The following PCDHGC3 variants were observed in gnomAD, a reference collection of about 807,000 sequenced individuals.
The protein encoded by PCDHGC3 is protocadherin gamma-C3.
PCDHGC3 carries 26 observed loss-of-function variants against 59.2 expected under a neutral mutation model. The observed-to-expected ratio is 0.44, with a 90% confidence interval of 0.32 to 0.61. The LOEUF (loss-of-function observed/expected upper bound fraction) is 0.61, where lower values mean the gene tolerates loss of function less well. Ranked by LOEUF, PCDHGC3 falls within the 20% of genes least tolerant of loss-of-function variation. The pLI is 0.05. For synonymous variants in PCDHGC3, 487 were observed against 519.7 expected (o/e 0.94, Z 0.86); for missense variants, 1,080 against 1,221.8 (o/e 0.88, Z 1.73).
chr5:141,508,139 G>C (rs1243018384), intron 3 of PCDHGC3: 1 of 152,514 alleles, frequency 6.6e-6, no homozygotes, highest in African/African-American at 2.4e-5. Flanking sequence ...CAGGGAGCTG[G>C]GGGCTGAGTT....
chr5:141,506,228 A>T (rs538354130), intron 3 of PCDHGC3, among the ~76,000 whole-genome samples: 1 of 152,266 alleles, frequency 6.6e-6, no homozygotes, highest in East Asian at 1.9e-4. Context: ...AGGCAGGAGG[A>T]TCATGAGGTC....
At chr5:141,510,845 C>T (rs2099883036) in intron 3 of PCDHGC3, 102 bp from the exon 4 acceptor site, 3 of 1,593,960 alleles carry the variant, frequency 1.9e-6, no homozygotes, top group Non-Finnish European at 2.6e-6. Context: ...TGGTCAAGGC[C>T]CAGGGTGCTG....
chr5:141,476,665 C>T lies in PCDHGC3; in HGVS notation c.549C>T (p.Arg183=). The change falls in exon 1 of 4, where the codon CGC becomes CGT. Residue 183 remains arginine, a synonymous_variant. Coordinates refer to ENST00000308177, the MANE Select transcript of PCDHGC3 (RefSeq NM_002588.4). This position sits in a 1 kb window ranked among gnomAD's most constrained non-coding sequence, Gnocchi z 7.6. ...GCCGAAATGAATACTTTGCGCTTCG[C>T]GTGCAGACGCGGGAGGACAGCACCA... The part of the protein sequence containing the change: ...ELSRNEYFAL[R]VQTREDSTKY... 6.2e-7 allele frequency: 1 copy of T among 1,614,240 alleles called. No homozygotes were observed. Among genetic ancestry groups the T allele is most frequent in the East Asian group, 2.2e-5 (1 of 44,882 alleles).
In PCDHGC3 at chr5:141,493,356, C is replaced by G. The variant is rs1303319550; in HGVS notation, c.2431-1451C>G. On this transcript the variant is annotated intron_variant, in intron 1 of 3. Transcript: ENST00000308177. The surrounding 1 kb of genome is among the most constrained non-coding windows in gnomAD (Gnocchi z 4.3). ...ACTCCAGAATGTGTGCTTTTAATTT[C>G]TTGGCACTTGGAACTTTAAAAGCTT... Among the ~76,000 whole-genome samples the G allele has an allele frequency of 6.6e-6, 1 of 152,182 alleles. No individual in the cohort carries two copies. The highest frequency in any genetic ancestry group is 1.5e-5 in the Non-Finnish European group (1 of 68,032).
Position 141,478,445 on chromosome 5 carries a change from G to C in PCDHGC3, c.2329G>C (p.Gly777Arg), listed in dbSNP as rs773567457. ...RRSDPLLKKP[G>R]AASPLASRQN... ...CAGCGACCCGCTGCTGAAGAAACCT[G>C]GTGCAGCCAGTCCACTGGCCAGCCG... Residue 777 changes from glycine to arginine, a missense_variant, in exon 1 of 4, where the codon GGT (glycine) becomes CGT (arginine). Transcript: ENST00000308177. The C allele has an allele frequency of 6.2e-7, 1 of 1,613,570 alleles. No individual in the cohort carries two copies. Among genetic ancestry groups the C allele is most frequent in the Non-Finnish European group, 8.5e-7 (1 of 1,179,942 alleles).
intron 3 of PCDHGC3, among the ~76,000 whole-genome samples, chr5:141,509,568 C>T (rs535982453): frequency 3.3e-5 from 5 of 152,336 alleles, no homozygotes; most frequent in Admixed American, 2.0e-4. Flanking sequence ...GCAGCCTTCA[C>T]AGTGCGTACA....
At chr5:141,509,163 C>T (rs561329093) in intron 3 of PCDHGC3, among the ~76,000 whole-genome samples, 1 of 152,204 alleles carries the variant, frequency 6.6e-6, no homozygotes, top group East Asian at 1.9e-4. Context: ...CTCCCGTGTG[C>T]CCTCCTCCTC....
chr5:141,508,979 G>A (rs1317798009), intron 3 of PCDHGC3, among the ~76,000 whole-genome samples: 1 of 152,110 alleles, frequency 6.6e-6, no homozygotes, highest in Non-Finnish European at 1.5e-5. Context: ...GCTGGGGGTG[G>A]GGGCCAGCTG....
chr5:141,483,538 G>C (rs571240759), intron 1 of PCDHGC3, among the ~76,000 whole-genome samples: 1 of 152,230 alleles, frequency 6.6e-6, no homozygotes, highest in African/African-American at 2.4e-5. Flanking sequence ...AAGCTGGGTG[G>C]TTGACAGTGC....
intron 2 of PCDHGC3, among the ~76,000 whole-genome samples, chr5:141,495,645 C>T (rs2099762719): frequency 6.6e-6 from 1 of 152,208 alleles, no homozygotes; most frequent in South Asian, 2.1e-4. Context: ...CATTTGTCTA[C>T]TTGCATTGAT....
Position 141,476,966 on chromosome 5 carries a change from G to T in PCDHGC3, c.850G>T (p.Gly284Cys), listed in dbSNP as rs780645226. The T allele has an allele frequency of 6.2e-7, 1 of 1,614,152 alleles. No homozygotes were observed. Among genetic ancestry groups the T allele is most frequent in the Admixed American group, 1.7e-5 (1 of 60,032 alleles). The change falls in exon 1 of 4, where the codon GGC (glycine) becomes TGC (cysteine). Residue 284 changes from glycine (G) to cysteine (C), a missense_variant. By Grantham distance (159) the Gly-to-Cys change is radical (BLOSUM62 -3). Coordinates refer to ENST00000308177, the MANE Select transcript of PCDHGC3 (RefSeq NM_002588.4). The surrounding 1 kb of genome is among the most constrained non-coding windows in gnomAD (Gnocchi z 7.6). Reference sequence around the variant, plus strand: ...CAACGGTGAAATTATTTACTCCTTCGGCAGCCACAACCGCGCCGGCGTGCG... The same window carrying T: ...CAACGGTGAAATTATTTACTCCTTCTGCAGCCACAACCGCGCCGGCGTGCG... ...GPNGEIIYSF[G>C]SHNRAGVRQL...
chr5:141,508,599 G>T lies in PCDHGC3; in HGVS notation c.2579-2348G>T, dbSNP rs948748985. On this transcript the variant is annotated intron_variant, in intron 3 of 3. Coordinates refer to ENST00000308177, the MANE Select transcript of PCDHGC3 (RefSeq NM_002588.4). ...CTCGGGGTGCTACTCAGAGATCTTGGGTGCACATAGGACGTGGGTGGGCCG... is the reference window on the plus strand; with the variant it reads ...CTCGGGGTGCTACTCAGAGATCTTGTGTGCACATAGGACGTGGGTGGGCCG... Among the ~76,000 whole-genome samples the T allele has an allele frequency of 3.9e-5, 6 of 152,212 alleles. No individual in the cohort carries two copies. The South Asian group carries it at 1.2e-3, about 32-fold the overall frequency.
At chr5:141,504,236 C>A (rs1011850372) in intron 2 of PCDHGC3, among the ~76,000 whole-genome samples, 2 of 152,194 alleles carry the variant, frequency 1.3e-5, no homozygotes, top group African/African-American at 4.8e-5. Flanking sequence ...TTCTAAGAAG[C>A]AGAGAGTTCT....
At chr5:141,484,135 A>G (rs181630887) in intron 1 of PCDHGC3, among the ~76,000 whole-genome samples, 6 of 152,270 alleles carry the variant, frequency 3.9e-5, no homozygotes, top group Admixed American at 1.3e-4. Flanking sequence ...GTGTCAGATA[A>G]AGGGAATTTG....
At chr5:141,510,849 G>C (rs959784028) in intron 3 of PCDHGC3, 98 bp from the exon 4 acceptor site, 10 of 1,596,568 alleles carry the variant, frequency 6.3e-6, no homozygotes, top group Middle Eastern at 1.7e-4. Flanking sequence ...CAAGGCCCAG[G>C]GTGCTGTATA....
chr5:141,477,808 C>T lies in PCDHGC3; in HGVS notation c.1692C>T (p.Ala564=), dbSNP rs750186099. 2.5e-6 allele frequency: 4 copies of T among 1,613,994 alleles called. No individual in the cohort carries two copies. In the African/African-American group the frequency reaches 4.0e-5, roughly 16 times the overall value. The change falls in exon 1 of 4, where the codon GCC becomes GCT. Residue 564 remains alanine, a synonymous_variant. Coordinates refer to ENST00000308177, the MANE Select transcript of PCDHGC3 (RefSeq NM_002588.4). The surrounding 1 kb of genome is among the most constrained non-coding windows in gnomAD (Gnocchi z 4.9). ...TTGTCACTGATCGCAATGACAATGC[C>T]CCCCAGGTCCTATATCCTCGGCCAG... ...NIFVTDRNDN[A]PQVLYPRPGG... is the part of the protein sequence containing the mutation.
Position 141,491,531 on chromosome 5 carries a change from T to G in PCDHGC3, c.2431-3276T>G, listed in dbSNP as rs532897059. On this transcript the variant is annotated intron_variant, in intron 1 of 3. Coordinates refer to ENST00000308177, the MANE Select transcript of PCDHGC3 (RefSeq NM_002588.4). This position sits in a 1 kb window ranked among gnomAD's most constrained non-coding sequence, Gnocchi z 6.9. ...ACGCTCAAGTACATGGAGGTGACGC[T>G]GCGGCCCACAGACTCGCAGAGCCAC... The G allele has an allele frequency of 6.2e-7, 1 of 1,614,044 alleles. No homozygotes were observed. The highest frequency in any genetic ancestry group is 1.7e-5 in the Admixed American group (1 of 60,028).
At chr5:141,498,011 G>A (rs995865984) in intron 2 of PCDHGC3, among the ~76,000 whole-genome samples, 2 of 152,204 alleles carry the variant, frequency 1.3e-5, no homozygotes, top group Non-Finnish European at 2.9e-5. Flanking sequence ...ACAGTGCACT[G>A]AAGGAGACAA....
rs2099750805 is a variant in PCDHGC3, at chr5:141,493,915, T to C, written c.2431-892T>C. ...TGCTCCATGAGAGTGTGTGATGGGA[T>C]AACACACCCCCTGGAAAGACCAGAA... On this transcript the variant is annotated intron_variant, in intron 1 of 3. Transcript: ENST00000308177. This position sits in a 1 kb window ranked among gnomAD's most constrained non-coding sequence, Gnocchi z 4.3. Among the ~76,000 whole-genome samples, 1 of 152,024 alleles carries C rather than the reference T, an allele frequency of 6.6e-6. No homozygotes were observed. Among genetic ancestry groups the C allele is most frequent in the African/African-American group, 2.4e-5 (1 of 41,386 alleles).
Sources: gnomAD v4.1 joint callset for allele counts (sites outside exome capture counted in the v4.1 genomes callset) on GRCh38, gnomAD v4.1.1 for gene constraint, Gnocchi (gnomAD v3.1) non-coding constraint, MANE v1.5 for transcripts, NCBI Gene and HGNC (gene_info 2026-07-23, HGNC 2026-07-21) for gene names.